Variants in TIGAR observed in about 807,000 individuals in gnomAD.
TIGAR encodes the protein fructose-2,6-bisphosphatase TIGAR.
A neutral mutation model predicts 17.9 loss-of-function variants in TIGAR; 7 were observed. The observed-to-expected ratio is 0.39, with a 90% CI of 0.22 to 0.73. TIGAR has a LOEUF of 0.73. Ranked by LOEUF, TIGAR falls within the 30% of genes least tolerant of loss-of-function variation. The pLI is 0.42. For synonymous variants in TIGAR, 94 were observed against 108.6 expected, an observed-to-expected ratio of 0.87 and a Z score of 0.84; for missense variants, 258 against 327.4, an observed-to-expected ratio of 0.79 and a Z score of 1.64.
Position 4,352,555 on chromosome 12 carries a change from TTA to T in TIGAR, c.679_680del (p.Met227ValfsTer16), listed in dbSNP as rs752870330. 1.2e-6 allele frequency: 2 copies of T among 1,614,076 alleles called. No individual in the cohort carries two copies. The highest frequency in any genetic ancestry group is 8.5e-7 in the Non-Finnish European group (1 of 1,180,036). On this transcript the variant is annotated frameshift_variant, in exon 6 of 6. Coordinates refer to ENST00000179259, the MANE Select transcript of TIGAR (RefSeq NM_020375.3). LOFTEE classifies it low-confidence loss of function (END_TRUNC). ...CCAGCCACTCTGAGCAGATCTGAAC[TTA>T]TGTCAGTCACTCCCAATACAGGGAT...
intron 2 of TIGAR, among the ~76,000 whole-genome samples, chr12:4,336,503 C>T (rs1864661661): frequency 6.6e-6 from 1 of 151,204 alleles, no homozygotes; most frequent in Non-Finnish European, 1.5e-5. Flanking sequence ...CACTCACACA[C>T]ATACACCATT....
chr12:4,349,002 G>A (rs2120689337), intron 3 of TIGAR, among the ~76,000 whole-genome samples: 1 of 152,282 alleles, frequency 6.6e-6, no homozygotes, highest in Middle Eastern at 3.4e-3. Context: ...AGAGCCAAAT[G>A]CAAATTCTAG....
Position 4,327,194 on chromosome 12 carries a change from A to G in TIGAR, c.33-4086A>G, listed in dbSNP as rs565314924. 2.0e-5 allele frequency among the ~76,000 whole-genome samples: 3 copies of G among 152,296 alleles called. No individual in the cohort carries two copies. The South Asian group carries it at 6.2e-4, about 32-fold the overall frequency. On this transcript the variant is annotated intron_variant, in intron 1 of 5. Coordinates refer to ENST00000179259, the MANE Select transcript of TIGAR (RefSeq NM_020375.3). ...GAGGCCGAGGCAGGAGGATCACCTT[A>G]GGTCAGGAGTTAGAGACCAGCCTGG...
intron 3 of TIGAR, among the ~76,000 whole-genome samples, chr12:4,345,673 C>T (rs1295204987): frequency 4.6e-5 from 7 of 152,182 alleles, no homozygotes; most frequent in Non-Finnish European, 7.3e-5. Context: ...AAAACCTAGG[C>T]AATACCATTC....
rs148510890 is a variant in TIGAR at position 4,352,587 on chromosome 12, C to T, written c.709C>T (p.Leu237Phe). ...AGTCACTCCCAATACAGGGATGAGT[C>T]TCTTTATCATAAACTTTGAGGAAGG... Reference protein sequence around the residue: ...MSVTPNTGMSLFIINFEEGRE... With the variant: ...MSVTPNTGMSFFIINFEEGRE... The change falls in exon 6 of 6, where the codon CTC (leucine) becomes TTC (phenylalanine). Residue 237 changes from leucine to phenylalanine, a missense_variant. Physicochemically the swap from Leu to Phe is conservative, Grantham distance 22. Transcript: ENST00000179259. The T allele has an allele frequency of 1.2e-6, 2 of 1,613,260 alleles. No homozygotes were observed. Among genetic ancestry groups the T allele is most frequent in the Non-Finnish European group, 1.7e-6 (2 of 1,180,034 alleles).
chr12:4,338,549 A>G (rs1591662393), intron 3 of TIGAR, among the ~76,000 whole-genome samples: 1 of 152,218 alleles, frequency 6.6e-6, no homozygotes, highest in Non-Finnish European at 1.5e-5. Flanking sequence ...AGAAATATGT[A>G]CAAGAATTTC....
rs1864515118 is a variant in TIGAR at position 4,324,442 on chromosome 12, T to C, written c.32+3139T>C. 5.2e-6 allele frequency: 8 copies of C among 1,526,088 alleles called. 1 individual carries two copies. The highest frequency in any genetic ancestry group is 3.4e-5 in the South Asian group (3 of 89,014). The allele number at this position is 1,526,088 out of a possible 1,614,324, so 94.5% of individuals were successfully genotyped here. A position where few individuals can be genotyped will look rare whatever the true frequency, so the allele number is the denominator to read the frequency against. On this transcript the variant is annotated intron_variant, in intron 1 of 5. Coordinates refer to ENST00000179259, the MANE Select transcript of TIGAR (RefSeq NM_020375.3). ...GGGCCGGCAGTGCTTCACCAGCTTA[T>C]AGGTGATGGAGAACTCGCCCAGGTA...
chr12:4,346,227 A>G (rs891074799), intron 3 of TIGAR, among the ~76,000 whole-genome samples: 1 of 152,192 alleles, frequency 6.6e-6, no homozygotes, highest in Non-Finnish European at 1.5e-5. Context: ...AACTAGAAAT[A>G]CCATTTGACC....
At chr12:4,337,477 C>T (rs750148025) in intron 3 of TIGAR, among the ~76,000 whole-genome samples, 1 of 152,180 alleles carries the variant, frequency 6.6e-6, no homozygotes, top group African/African-American at 2.4e-5. Context: ...AGTTTAGAGT[C>T]AAGGTCTAGG....
chr12:4,349,919 G>A lies in TIGAR; in HGVS notation c.270+23G>A, dbSNP rs376507287. ...AGGGTGAGTAACTTATTTACATATT[G>A]TTCTTCCCCATAAATTATCAGTAAG... is the stretch of plus-strand genomic sequence containing the variant. On this transcript the variant is annotated intron_variant, in intron 4 of 5. Coordinates refer to ENST00000179259, the MANE Select transcript of TIGAR (RefSeq NM_020375.3). 18 of 1,492,160 alleles carry A rather than the reference G, an allele frequency of 1.2e-5. No individual in the cohort carries two copies. The African/African-American group carries it at 2.0e-4, about 17-fold the overall frequency. The allele number at this position is 1,492,160 out of a possible 1,614,324, so 92.4% of individuals were successfully genotyped here. A position where few individuals can be genotyped will look rare whatever the true frequency, so the allele number is the denominator to read the frequency against.
chr12:4,348,902 A>C (rs1362024918), intron 3 of TIGAR, among the ~76,000 whole-genome samples: 5 of 152,344 alleles, frequency 3.3e-5, no homozygotes, highest in African/African-American at 1.2e-4. Flanking sequence ...TACCCGATGG[A>C]GTTACCAGAC....
chr12:4,337,691 T>C (rs1481866382), intron 3 of TIGAR, among the ~76,000 whole-genome samples: 2 of 152,160 alleles, frequency 1.3e-5, no homozygotes. Context: ...TAAGCTATTA[T>C]GAGAGAGAGC....
At position 4,321,291 on chromosome 12, in the gene TIGAR, C is replaced by G; in HGVS notation, c.20C>G (p.Thr7Ser). Reference sequence around the variant, plus strand: ...GGGAACATGGCTCGCTTCGCTCTGACTGTTGTCCGGCAGTGAGTATGGCTG... The same window carrying G: ...GGGAACATGGCTCGCTTCGCTCTGAGTGTTGTCCGGCAGTGAGTATGGCTG... The part of the protein sequence containing the change: MARFAL[T>S]VVRHGETRFN... Residue 7 changes from threonine to serine, a missense_variant, in exon 1 of 6, where the codon ACT becomes AGT. Coordinates refer to ENST00000179259, the MANE Select transcript of TIGAR (RefSeq NM_020375.3). This position sits in a 1 kb window ranked among gnomAD's most constrained non-coding sequence, Gnocchi z 5.2. 6.2e-7 allele frequency: 1 copy of G among 1,601,386 alleles called. No homozygotes were observed. The highest frequency in any genetic ancestry group is 8.5e-7 in the Non-Finnish European group (1 of 1,179,814).
rs570300885 is a variant in TIGAR at position 4,349,999 on chromosome 12, G to C, written c.270+103G>C. On this transcript the variant is annotated intron_variant, in intron 4 of 5. Transcript: ENST00000179259. The stretch of plus-strand genomic sequence containing the variant: ...TAAATGCATTTCTGCTAGGGATTTC[G>C]AATCAGTGAAAATATTTAAGAATCT... The C allele has an allele frequency of 4.0e-6, 3 of 754,970 alleles. No individual in the cohort carries two copies. The African/African-American group carries it at 5.6e-5, about 14-fold the overall frequency. 46.8% of individuals were successfully genotyped at this position (754,970 alleles called of 1,614,324 possible).
chr12:4,351,783 G>A (rs1338812921), intron 5 of TIGAR, among the ~76,000 whole-genome samples: 1 of 152,168 alleles, frequency 6.6e-6, no homozygotes, highest in African/African-American at 2.4e-5. Flanking sequence ...GGAGTGTTCT[G>A]CTTCGAATTG....
At chr12:4,331,635 T>G (rs988139408) in intron 2 of TIGAR, among the ~76,000 whole-genome samples, 1 of 152,222 alleles carries the variant, frequency 6.6e-6, no homozygotes, top group African/African-American at 2.4e-5. Context: ...TTGAAATTAT[T>G]TTATATTTGG....
chr12:4,350,335 AGGCATTTATATACATATT>A (rs1864824645), intron 4 of TIGAR, among the ~76,000 whole-genome samples: 1 of 152,230 alleles, frequency 6.6e-6, no homozygotes, highest in Non-Finnish European at 1.5e-5. Context: ...ACTTTTTTAA[AGGCATTTATATACATATT>A]GCCAAGTTGC....
chr12:4,330,596 C>T (rs986551165), intron 1 of TIGAR, among the ~76,000 whole-genome samples: 3 of 152,172 alleles, frequency 2.0e-5, no homozygotes, highest in African/African-American at 4.8e-5. Context: ...ATGCACTTCC[C>T]GCCCTTTTCC....
chr12:4,356,262 A>C lies in TIGAR; in HGVS notation c.*3571A>C, dbSNP rs1864900167. On this transcript the variant is annotated 3_prime_UTR_variant, in exon 6 of 6. Coordinates refer to ENST00000179259, the MANE Select transcript of TIGAR (RefSeq NM_020375.3). ...CAATGGCTAACTAAGGAGCCTGGAC[A>C]TTGAATTTCTAGGTTAGCTTAGGAT... is the stretch of plus-strand genomic sequence containing the variant. Among the ~76,000 whole-genome samples, 1 of 152,184 alleles carries C rather than the reference A, an allele frequency of 6.6e-6. No homozygotes were observed. The highest frequency in any genetic ancestry group is 2.4e-5 in the African/African-American group (1 of 41,450).
Sources: gnomAD v4.1 joint callset for allele counts (sites outside exome capture counted in the v4.1 genomes callset) on GRCh38, gnomAD v4.1.1 for gene constraint, Gnocchi (gnomAD v3.1) non-coding constraint, MANE v1.5 for transcripts, NCBI Gene and HGNC (gene_info 2026-07-23, HGNC 2026-07-21) for gene names.